Variants in KCNH8 observed in about 807,000 individuals in gnomAD.
The protein encoded by KCNH8 is voltage-gated delayed rectifier potassium channel KCNH8.
KCNH8 carries 70 observed loss-of-function variants against 103.6 expected under a neutral mutation model. The ratio of observed to expected loss-of-function variants is 0.68; its 90% confidence interval spans 0.56 to 0.82. KCNH8 has a LOEUF of 0.82. Ranked by LOEUF, KCNH8 falls within the 40% of genes least tolerant of loss-of-function variation. KCNH8 has a pLI of 0.00. For synonymous variants in KCNH8, 498 were observed against 489.4 expected (o/e 1.02, Z -0.23); for missense variants, 1,217 against 1,329.9 (o/e 0.92, Z 1.32).
At chr3:19,511,567 C>T (rs372652670) in intron 12 of KCNH8, among the ~76,000 whole-genome samples, 3 of 152,102 alleles carry the variant, frequency 2.0e-5, no homozygotes, top group East Asian at 1.9e-4. Flanking sequence ...TTCTATCCAA[C>T]GATGCTAGTA....
intron 1 of KCNH8, among the ~76,000 whole-genome samples, chr3:19,175,634 T>A (rs1322208252): frequency 6.6e-6 from 1 of 152,232 alleles, no homozygotes; most frequent in African/African-American, 2.4e-5. Context: ...TGTTTTATGA[T>A]TATTTTTCCT....
intron 5 of KCNH8, among the ~76,000 whole-genome samples, chr3:19,349,782 T>C (rs2065775272): frequency 6.6e-6 from 1 of 152,124 alleles, no homozygotes; most frequent in South Asian, 2.1e-4. Context: ...CAATGGAGAC[T>C]CATTTGCTCC....
rs1001183044 is a variant in KCNH8, at chr3:19,284,062, T to C, written c.442+2733T>C. 5.3e-5 allele frequency among the ~76,000 whole-genome samples: 8 copies of C among 152,126 alleles called. No individual in the cohort carries two copies. In the South Asian group the frequency reaches 1.7e-3, roughly 32 times the overall value. ...CTTGCAGGAAAGACACACCTTAACA[T>C]ATGATATTTTTAAAGCTTCCAAATA... On this transcript the variant is annotated intron_variant, in intron 3 of 15. Transcript: ENST00000328405.
chr3:19,390,898 A>G (rs1201781502), intron 6 of KCNH8, among the ~76,000 whole-genome samples: 1 of 152,134 alleles, frequency 6.6e-6, no homozygotes, highest in East Asian at 1.9e-4. Context: ...ATAAATACTG[A>G]CCCACTAAAC....
rs371027470 is a variant in KCNH8, at chr3:19,485,414, T to C, written c.2041-24949T>C. On this transcript the variant is annotated intron_variant, in intron 11 of 15. Coordinates refer to ENST00000328405, the MANE Select transcript of KCNH8 (RefSeq NM_144633.3). ...TGGGGCTTTGCCTCACATTGTGCTGTTGGCAAGTAACGCACTGTTGTGCTA... is the reference window on the plus strand; with the variant it reads ...TGGGGCTTTGCCTCACATTGTGCTGCTGGCAAGTAACGCACTGTTGTGCTA... 2.5e-4 allele frequency among the ~76,000 whole-genome samples: 38 copies of C among 152,348 alleles called. 1 individual carries two copies. In the South Asian group the frequency reaches 7.7e-3, roughly 31 times the overall value.
intron 1 of KCNH8, among the ~76,000 whole-genome samples, chr3:19,212,363 T>A (rs1330633101): frequency 2.0e-5 from 3 of 152,180 alleles, no homozygotes; most frequent in Non-Finnish European, 4.4e-5. Context: ...GCAACTCTCT[T>A]GATCTTCAAG....
At chr3:19,255,354 A>T (rs1205815183) in intron 2 of KCNH8, among the ~76,000 whole-genome samples, 1 of 152,168 alleles carries the variant, frequency 6.6e-6, no homozygotes. Context: ...ACAGCTTAAG[A>T]TGCTTCTGGG....
At chr3:19,232,193 T>C (rs916209868) in intron 1 of KCNH8, among the ~76,000 whole-genome samples, 19 of 152,314 alleles carry the variant, frequency 1.2e-4, no homozygotes, top group African/African-American at 4.3e-4. Flanking sequence ...AGACACACCT[T>C]CCAGATTTAT....
intron 5 of KCNH8, among the ~76,000 whole-genome samples, chr3:19,355,771 A>C (rs992487795): frequency 6.6e-5 from 10 of 152,064 alleles, no homozygotes. Flanking sequence ...ATTAGGAGAT[A>C]TACCTAATGT....
chr3:19,183,931 A>AAAT (rs1054097311), intron 1 of KCNH8, among the ~76,000 whole-genome samples: 1 of 152,126 alleles, frequency 6.6e-6, no homozygotes, highest in Non-Finnish European at 1.5e-5. Flanking sequence ...TGAATGTAAC[A>AAAT]TTTACGGTAT....
At position 19,373,108 on chromosome 3, in the gene KCNH8, G is replaced by T. The variant is rs565514816; in HGVS notation, c.812-17373G>T. ...GTGTCTGTGCCCGGCTTTGGTATCA[G>T]AATGATGCTGGCCTCATAAAATGAG... is the stretch of plus-strand genomic sequence containing the variant. On this transcript the variant is annotated intron_variant, in intron 5 of 15. Transcript: ENST00000328405. 8.1e-4 allele frequency among the ~76,000 whole-genome samples: 123 copies of T among 152,044 alleles called. No individual in the cohort carries two copies. In the Middle Eastern group the frequency reaches 0.014, roughly 17 times the overall value.
At chr3:19,366,419 A>G (rs921695349) in intron 5 of KCNH8, among the ~76,000 whole-genome samples, 1 of 152,102 alleles carries the variant, frequency 6.6e-6, no homozygotes, top group African/African-American at 2.4e-5. Flanking sequence ...ATTCTGCCTT[A>G]TGACATATAT....
chr3:19,465,439 C>T (rs376375175), intron 11 of KCNH8, among the ~76,000 whole-genome samples: 16 of 152,204 alleles, frequency 1.1e-4, no homozygotes, highest in African/African-American at 3.9e-4. Context: ...TATTACTGCT[C>T]ATTCATTGAC....
intron 5 of KCNH8, among the ~76,000 whole-genome samples, chr3:19,371,831 G>T (rs1332568357): frequency 6.6e-6 from 1 of 150,908 alleles, no homozygotes; most frequent in Non-Finnish European, 1.5e-5. Flanking sequence ...TCTACATATG[G>T]CTAGCCAGTT....
At chr3:19,512,634 A>G (rs967071049) in intron 12 of KCNH8, among the ~76,000 whole-genome samples, 25 of 152,156 alleles carry the variant, frequency 1.6e-4, no homozygotes, top group African/African-American at 6.0e-4. Context: ...ATCATATACT[A>G]TTACAAATGA....
chr3:19,418,269 CAAGATAAATAAACCTA>C (rs1334951973), intron 7 of KCNH8, among the ~76,000 whole-genome samples: 1 of 151,944 alleles, frequency 6.6e-6, no homozygotes, highest in Non-Finnish European at 1.5e-5. Flanking sequence ...GCTGAATTTG[CAAGATAAATAAACCTA>C]AAGGAGAAAG....
At chr3:19,427,393 G>A (rs1251001718) in intron 7 of KCNH8, among the ~76,000 whole-genome samples, 3 of 152,180 alleles carry the variant, frequency 2.0e-5, no homozygotes, top group Non-Finnish European at 4.4e-5. Context: ...GTTGGTGTCT[G>A]TAAGTGAAAT....
Position 19,206,668 on chromosome 3 carries a change from T to A in KCNH8, c.77-46986T>A, listed in dbSNP as rs2063720069. Among the ~76,000 whole-genome samples, 5 of 151,974 alleles carry A rather than the reference T, an allele frequency of 3.3e-5. No individual in the cohort carries two copies. In the South Asian group the frequency reaches 1.0e-3, roughly 31 times the overall value. On this transcript the variant is annotated intron_variant, in intron 1 of 15. Coordinates refer to ENST00000328405, the MANE Select transcript of KCNH8 (RefSeq NM_144633.3). ...ATATTTCTAGTCTATACCCGGTAGATAAGAGTAGCATTACCCAGTTGTGAC... is the reference window on the plus strand; with the variant it reads ...ATATTTCTAGTCTATACCCGGTAGAAAAGAGTAGCATTACCCAGTTGTGAC...
chr3:19,194,505 T>G (rs1317214480), intron 1 of KCNH8, among the ~76,000 whole-genome samples: 3 of 151,868 alleles, frequency 2.0e-5, no homozygotes, highest in African/African-American at 7.2e-5. Flanking sequence ...AAGTGCTTAT[T>G]ATGGACCTAT....
Sources: allele counts gnomAD v4.1 joint callset (sites outside exome capture counted in the v4.1 genomes callset), GRCh38; gene constraint gnomAD v4.1.1; transcripts MANE v1.5; gene names NCBI Gene and HGNC (gene_info 2026-07-23, HGNC 2026-07-21).